PRKN: variants seen among roughly 807,000 people sequenced by gnomAD.
PRKN encodes the protein E3 ubiquitin-protein ligase parkin.
In PRKN, 56 loss-of-function variants were observed where a neutral mutation model predicts 59.5. That is an observed-to-expected ratio of 0.94 (90% CI 0.76 to 1.18). PRKN has a LOEUF of 1.18. Ranked by LOEUF, PRKN falls within the 50% of genes most tolerant of loss-of-function variation. The probability of loss-of-function intolerance (pLI) is 0.00; values close to 1 mark genes in which losing one functional copy is unlikely to be tolerated. For missense variants in PRKN, 657 were observed against 596.4 expected, an observed-to-expected ratio of 1.10 and a Z score of -1.06; for synonymous variants, 250 against 222.1, an observed-to-expected ratio of 1.13 and a Z score of -1.12.
At chr6:162,014,310 T>C (rs556635011) in intron 5 of PRKN, among the ~76,000 whole-genome samples, 1 of 152,178 alleles carries the variant, frequency 6.6e-6, no homozygotes, top group East Asian at 1.9e-4. Flanking sequence ...ACAGTCAAGG[T>C]TTCAGAGCCC....
chr6:162,356,868 T>G (rs1269732637), intron 2 of PRKN, among the ~76,000 whole-genome samples: 1 of 150,798 alleles, frequency 6.6e-6, no homozygotes, highest in Non-Finnish European at 1.5e-5. Context: ...GGCAATAGAA[T>G]GGAGAAATAA....
chr6:162,454,805 G>C (rs4709613), intron 1 of PRKN, among the ~76,000 whole-genome samples: 56,599 of 152,078 alleles, frequency 0.37, 10,797 homozygotes, highest in East Asian at 0.58. Context: ...CTCCCCCACG[G>C]TGGCTCTGGT....
chr6:162,434,377 A>T (rs932119060), intron 2 of PRKN, among the ~76,000 whole-genome samples: 21 of 152,210 alleles, frequency 1.4e-4, no homozygotes, highest in African/African-American at 4.8e-4. Context: ...AAGATCTTTC[A>T]GCCCATCCTT....
At chr6:161,679,159 A>G (rs550248529) in intron 7 of PRKN, among the ~76,000 whole-genome samples, 6 of 152,324 alleles carry the variant, frequency 3.9e-5, no homozygotes, top group African/African-American at 1.4e-4. Context: ...AATAGAGGAC[A>G]GAGATTTCAG....
intron 5 of PRKN, among the ~76,000 whole-genome samples, chr6:162,044,541 A>G (rs1784182862): frequency 6.6e-6 from 1 of 152,112 alleles, no homozygotes; most frequent in South Asian, 2.1e-4. Flanking sequence ...CTGCTTTTCT[A>G]TCTCATCTTC....
rs141045145 is a variant in PRKN, at chr6:162,272,552, G to T, written c.172-9787C>A. The stretch of plus-strand genomic sequence containing the variant: ...GAAGCTGACCCGGAAACTCAGGCAC[G>T]TCGGGGAGGTCAGCACTACCCAACA... On this transcript the variant is annotated intron_variant, in intron 2 of 11. Coordinates refer to ENST00000366898, the MANE Select transcript of PRKN (RefSeq NM_004562.3). 6.6e-3 allele frequency among the ~76,000 whole-genome samples: 1,004 copies of T among 152,188 alleles called. 11 individuals carry two copies. Among genetic ancestry groups the T allele is most frequent in the African/African-American group, 0.023 (966 of 41,522 alleles).
intron 6 of PRKN, among the ~76,000 whole-genome samples, chr6:161,802,055 G>A (rs749144510): frequency 4.6e-5 from 7 of 152,146 alleles, no homozygotes; most frequent in Non-Finnish European, 7.3e-5. Context: ...GTTACCGAGA[G>A]TTGCAAGAAT....
rs1786701154 is a variant in PRKN, at chr6:161,395,190, T to C, written c.1084-8313A>G. On this transcript the variant is annotated intron_variant, in intron 9 of 11. Transcript: ENST00000366898. The surrounding 1 kb of genome is among the most constrained non-coding windows in gnomAD (Gnocchi z 5.0). ...TGTTCTGCACTCAATCATCAATTTATGCTATTTTTAAACAAAAATACCCTA... is the reference window on the plus strand; with the variant it reads ...TGTTCTGCACTCAATCATCAATTTACGCTATTTTTAAACAAAAATACCCTA... Among the ~76,000 whole-genome samples the C allele has an allele frequency of 6.6e-6, 1 of 152,174 alleles. No individual in the cohort carries two copies. The highest frequency in any genetic ancestry group is 1.5e-5 in the Non-Finnish European group (1 of 68,038).
chr6:161,921,740 T>C (rs986010431), intron 6 of PRKN, among the ~76,000 whole-genome samples: 2 of 152,164 alleles, frequency 1.3e-5, no homozygotes, highest in Non-Finnish European at 2.9e-5. Context: ...TCATCATCAG[T>C]GTAGCCTGTA....
At chr6:162,229,208 A>G (rs1407496683) in intron 3 of PRKN, among the ~76,000 whole-genome samples, 1 of 152,174 alleles carries the variant, frequency 6.6e-6, no homozygotes, top group Non-Finnish European at 1.5e-5. Flanking sequence ...TTGTTCTTCA[A>G]CAAAACCTGC....
chr6:161,909,468 C>T (rs1778273339), intron 6 of PRKN, among the ~76,000 whole-genome samples: 1 of 151,986 alleles, frequency 6.6e-6, no homozygotes, highest in African/African-American at 2.4e-5. Flanking sequence ...CAGTCGTTTA[C>T]ACTGGAAAAC....
intron 2 of PRKN, among the ~76,000 whole-genome samples, chr6:162,296,169 G>C (rs927534754): frequency 2.0e-4 from 30 of 152,134 alleles, no homozygotes; most frequent in African/African-American, 6.5e-4. Context: ...GAAAGACCAA[G>C]AGCTGTCAAG....
At chr6:162,238,833 G>A (rs1339315141) in intron 3 of PRKN, among the ~76,000 whole-genome samples, 5 of 152,172 alleles carry the variant, frequency 3.3e-5, no homozygotes, top group African/African-American at 4.8e-5. Flanking sequence ...TGTGTGGGCA[G>A]CAAGGCACGT....
rs10655203 is a variant in PRKN at position 161,405,607 on chromosome 6, A to AAAATAAATAAAT, written c.1084-18742_1084-18731dup. On this transcript the variant is annotated intron_variant, in intron 9 of 11. Coordinates refer to ENST00000366898, the MANE Select transcript of PRKN (RefSeq NM_004562.3). This position sits in a 1 kb window ranked among gnomAD's most constrained non-coding sequence, Gnocchi z 5.1. ...AAAAAATAAAATAAAATAAAAATTAAAAATAAATAAATAAATAAATAAATA... is the reference window on the plus strand; with the variant it reads ...AAAAAATAAAATAAAATAAAAATTAAAAATAAATAAATAAATAAATAAATAAATAAATAAATA... 8.3e-5 allele frequency among the ~76,000 whole-genome samples: 12 copies of AAAATAAATAAAT among 145,030 alleles called. No homozygotes were observed. Among genetic ancestry groups the AAAATAAATAAAT allele is most frequent in the Non-Finnish European group, 1.5e-4 (10 of 66,442 alleles).
intron 1 of PRKN, chr6:162,643,941 T>C (rs1322863197): frequency 2.6e-5 from 4 of 152,172 alleles, no homozygotes; most frequent in Admixed American, 2.0e-4. Flanking sequence ...CAGCAGATTA[T>C]TAAGTAAAAC....
At chr6:161,528,031 T>C (rs1779075858) in intron 9 of PRKN, among the ~76,000 whole-genome samples, 2 of 152,234 alleles carry the variant, frequency 1.3e-5, no homozygotes, top group Admixed American at 1.3e-4. Flanking sequence ...ACAGAAAAGA[T>C]AGAAATCTTT....
chr6:161,616,107 CTCG>C (rs1782682760), intron 7 of PRKN, among the ~76,000 whole-genome samples: 2 of 152,196 alleles, frequency 1.3e-5, no homozygotes, highest in South Asian at 4.1e-4. Flanking sequence ...CTGCTGAACT[CTCG>C]TGTGGCCTGT....
At chr6:161,952,083 G>C (rs919506241) in intron 6 of PRKN, among the ~76,000 whole-genome samples, 1 of 152,064 alleles carries the variant, frequency 6.6e-6, no homozygotes. Flanking sequence ...AGTTAAAATT[G>C]ATGCCATATT....
At chr6:162,269,055 T>C (rs1456992670) in intron 2 of PRKN, among the ~76,000 whole-genome samples, 1 of 151,882 alleles carries the variant, frequency 6.6e-6, no homozygotes. Flanking sequence ...GAGGAATCAG[T>C]GAGAGTATGG....
Sources: allele counts gnomAD v4.1 joint callset (sites outside exome capture counted in the v4.1 genomes callset), GRCh38; gene constraint gnomAD v4.1.1; non-coding constraint Gnocchi (gnomAD v3.1); transcripts MANE v1.5; gene names NCBI Gene and HGNC (gene_info 2026-07-23, HGNC 2026-07-21).